HPSE2: variants seen among roughly 807,000 people sequenced by gnomAD.
HPSE2 encodes the protein heparanase 2 (inactive), also known as inactive heparanase-2.
A neutral mutation model predicts 60.5 loss-of-function variants in HPSE2; 38 were observed. The observed-to-expected ratio is 0.63, with a 90% CI of 0.48 to 0.82. HPSE2 has a LOEUF of 0.82. Ranked by LOEUF, HPSE2 falls within the 40% of genes least tolerant of loss-of-function variation. HPSE2 has a pLI of 0.00. For missense variants in HPSE2, 713 were observed against 740.4 expected (o/e 0.96, Z 0.43); for synonymous variants, 295 against 293.2 (o/e 1.01, Z -0.06).
intron 4 of HPSE2, among the ~76,000 whole-genome samples, chr10:98,726,816 C>T (rs1490306429): frequency 1.3e-5 from 2 of 151,792 alleles, no homozygotes; most frequent in Non-Finnish European, 2.9e-5. Context: ...CCTAGCTATC[C>T]ACACATTTCC....
intron 3 of HPSE2, among the ~76,000 whole-genome samples, chr10:98,789,479 A>G (rs528870954): frequency 6.6e-6 from 1 of 152,252 alleles, no homozygotes; most frequent in Non-Finnish European, 1.5e-5. Context: ...TCAAATTGCA[A>G]TGCAGGCTGG....
chr10:99,219,435 C>T (rs1417522691), intron 2 of HPSE2, among the ~76,000 whole-genome samples: 2 of 152,126 alleles, frequency 1.3e-5, no homozygotes, highest in African/African-American at 4.8e-5. Flanking sequence ...CCTACAAGCA[C>T]ACATGGCCTC....
intron 9 of HPSE2, among the ~76,000 whole-genome samples, chr10:98,606,715 A>AAAATG (rs1162631378): frequency 6.6e-6 from 1 of 152,226 alleles, no homozygotes; most frequent in East Asian, 1.9e-4. Flanking sequence ...TTTTTTTAAA[A>AAAATG]AAATGTTATA....
At chr10:98,493,756 G>C (rs1941737345) in intron 9 of HPSE2, among the ~76,000 whole-genome samples, 1 of 152,132 alleles carries the variant, frequency 6.6e-6, no homozygotes, top group Admixed American at 6.5e-5. Flanking sequence ...GCCAACCTCT[G>C]TCTTTTGACT....
At chr10:99,243,967 T>G in the HPSE2 span, among the ~76,000 whole-genome samples, 2 of 152,166 alleles carry the variant, frequency 1.3e-5, no homozygotes, top group Middle Eastern at 3.4e-3. Flanking sequence ...TCTCAAACAT[T>G]GAGATTAATG....
intron 3 of HPSE2, among the ~76,000 whole-genome samples, chr10:98,809,196 C>T (rs562427627): frequency 6.6e-6 from 1 of 152,156 alleles, no homozygotes; most frequent in African/African-American, 2.4e-5. Flanking sequence ...GAATTTAAGA[C>T]ATAACAATGT....
At chr10:98,993,035 G>A (rs1037932625) in intron 3 of HPSE2, among the ~76,000 whole-genome samples, 6 of 152,090 alleles carry the variant, frequency 3.9e-5, no homozygotes, top group Non-Finnish European at 7.3e-5. Flanking sequence ...TTCTTTGATC[G>A]CTATGATTTC....
Position 98,970,025 on chromosome 10 carries a change from G to C in HPSE2, c.610+174213C>G, listed in dbSNP as rs578106635. ...TTGCCCAGCTGGAGTGCAATGGCGT[G>C]ATCTCAGCTCACTGCAACCTCTGCC... On this transcript the variant is annotated intron_variant, in intron 3 of 11. Coordinates refer to ENST00000370552, the MANE Select transcript of HPSE2 (RefSeq NM_021828.5). Among the ~76,000 whole-genome samples, 131 of 151,678 alleles carry C rather than the reference G, an allele frequency of 8.6e-4. 1 individual carries two copies. Among genetic ancestry groups the C allele is most frequent in the African/African-American group, 3.0e-3 (124 of 41,292 alleles).
intron 2 of HPSE2, among the ~76,000 whole-genome samples, chr10:99,152,910 G>A (rs1010879478): frequency 5.9e-5 from 9 of 152,364 alleles, no homozygotes; most frequent in Admixed American, 2.0e-4. Context: ...TGCGCGAGCC[G>A]AAGCAGGGCG....
At chr10:99,151,412 A>T (rs1420550285) in intron 2 of HPSE2, among the ~76,000 whole-genome samples, 1 of 152,172 alleles carries the variant, frequency 6.6e-6, no homozygotes, top group African/African-American at 2.4e-5. Context: ...GAGGAAAAAT[A>T]AAGGGCAGAA....
At chr10:99,260,276 C>T in the HPSE2 span, among the ~76,000 whole-genome samples, 2 of 151,994 alleles carry the variant, frequency 1.3e-5, no homozygotes, top group Non-Finnish European at 2.9e-5. Context: ...AAATATACAG[C>T]CTTGTTGCCC....
At chr10:99,054,137 A>G (rs1958055489) in intron 3 of HPSE2, among the ~76,000 whole-genome samples, 1 of 152,166 alleles carries the variant, frequency 6.6e-6, no homozygotes, top group Non-Finnish European at 1.5e-5. Flanking sequence ...GAGACAAGAC[A>G]TCAGAGAAAA....
chr10:99,050,241 G>A (rs901849272), intron 3 of HPSE2, among the ~76,000 whole-genome samples: 8 of 151,934 alleles, frequency 5.3e-5, no homozygotes, highest in African/African-American at 1.7e-4. Flanking sequence ...GTCTGAGGCT[G>A]TAGTGGGGTA....
intron 3 of HPSE2, among the ~76,000 whole-genome samples, chr10:98,925,648 T>A (rs1954434143): frequency 6.6e-6 from 1 of 152,166 alleles, no homozygotes; most frequent in African/African-American, 2.4e-5. Context: ...ACATTAGAGT[T>A]TCATGAGGGT....
intron 2 of HPSE2, among the ~76,000 whole-genome samples, chr10:99,184,522 C>G (rs77209593): frequency 1.6e-5 from 1 of 60,788 alleles, no homozygotes; most frequent in African/African-American, 1.2e-4. Context: ...GAGACTGTCT[C>G]AAAAAAAAAA....
chr10:99,220,125 T>C (rs1429120804), intron 2 of HPSE2, among the ~76,000 whole-genome samples: 1 of 152,210 alleles, frequency 6.6e-6, no homozygotes, highest in Non-Finnish European at 1.5e-5. Flanking sequence ...AGTTTTGCTA[T>C]GGCCATTTTT....
At chr10:98,621,582 A>G (rs770963548) in intron 7 of HPSE2, among the ~76,000 whole-genome samples, 9 of 152,210 alleles carry the variant, frequency 5.9e-5, no homozygotes, top group Non-Finnish European at 1.2e-4. Flanking sequence ...GGGAAAACTA[A>G]GACAAGGATG....
chr10:98,996,762 A>G (rs939768412), intron 3 of HPSE2, among the ~76,000 whole-genome samples: 1 of 152,236 alleles, frequency 6.6e-6, no homozygotes, highest in African/African-American at 2.4e-5. Context: ...GAAGCCAGAC[A>G]CAAAAAAGTA....
At chr10:98,879,204 T>G (rs1952953699) in intron 3 of HPSE2, among the ~76,000 whole-genome samples, 1 of 152,022 alleles carries the variant, frequency 6.6e-6, no homozygotes, top group Admixed American at 6.6e-5. Flanking sequence ...GTAAATGGTA[T>G]AGAAGTCATG....
Sources: allele counts gnomAD v4.1 joint callset (sites outside exome capture counted in the v4.1 genomes callset), GRCh38; gene constraint gnomAD v4.1.1; transcripts MANE v1.5; gene names NCBI Gene and HGNC (gene_info 2026-07-23, HGNC 2026-07-21).